LPP: variants seen among roughly 807,000 people sequenced by gnomAD.
The protein encoded by LPP is LIM domain containing preferred translocation partner in lipoma, also known as lipoma-preferred partner.
A neutral mutation model predicts 60.4 loss-of-function variants in LPP; 38 were observed. The observed-to-expected ratio is 0.63, with a 90% CI of 0.49 to 0.83. The LOEUF is 0.83. Ranked by LOEUF, LPP falls within the 40% of genes least tolerant of loss-of-function variation. The pLI, the probability that LPP is intolerant of heterozygous loss-of-function variation, is 0.00. For synonymous variants in LPP, 328 were observed against 290.8 expected, an observed-to-expected ratio of 1.13 and a Z score of -1.30; for missense variants, 902 against 783.6, an observed-to-expected ratio of 1.15 and a Z score of -1.80.
At chr3:188,582,310 A>G (rs1836429562) in intron 6 of LPP, among the ~76,000 whole-genome samples, 1 of 150,944 alleles carries the variant, frequency 6.6e-6, no homozygotes, top group Admixed American at 6.6e-5. Flanking sequence ...ACAGGTGTGC[A>G]CCATGCCTGG....
chr3:188,212,176 G>C (rs1298602518), intron 1 of LPP, among the ~76,000 whole-genome samples: 2 of 152,062 alleles, frequency 1.3e-5, no homozygotes, highest in African/African-American at 4.8e-5. Flanking sequence ...GTTGTTTTGA[G>C]ACTCACCTGC....
chr3:188,663,280 T>C (rs1282199125), intron 7 of LPP, among the ~76,000 whole-genome samples: 1 of 152,172 alleles, frequency 6.6e-6, no homozygotes, highest in Non-Finnish European at 1.5e-5. Context: ...ATTTACAGCT[T>C]TGTATTTCCC....
chr3:188,504,851 T>C (rs1426269347), intron 5 of LPP, among the ~76,000 whole-genome samples: 1 of 150,446 alleles, frequency 6.6e-6, no homozygotes, highest in African/African-American at 2.5e-5. Flanking sequence ...TCAGCTGGAG[T>C]GAGAGGGGCA....
intron 7 of LPP, among the ~76,000 whole-genome samples, chr3:188,627,139 G>A (rs1560666205): frequency 6.6e-6 from 1 of 152,078 alleles, no homozygotes; most frequent in African/African-American, 2.4e-5. Flanking sequence ...CTTACAACAG[G>A]TCCTTAAGGG....
chr3:188,538,254 A>G (rs1824171559), intron 6 of LPP, among the ~76,000 whole-genome samples: 1 of 152,228 alleles, frequency 6.6e-6, no homozygotes, highest in Admixed American at 6.5e-5. Context: ...AAATGACACC[A>G]TCAAGAAAGT....
chr3:188,853,836 T>C (rs570309674), intron 9 of LPP, among the ~76,000 whole-genome samples: 7 of 152,296 alleles, frequency 4.6e-5, no homozygotes, highest in African/African-American at 1.2e-4. Context: ...TTTCTTTTTT[T>C]TTTTTCCTTT....
At chr3:188,654,645 T>C (rs1023100326) in intron 7 of LPP, among the ~76,000 whole-genome samples, 2 of 152,202 alleles carry the variant, frequency 1.3e-5, no homozygotes, top group African/African-American at 4.8e-5. Context: ...AACTGCATGC[T>C]TAAGCACTGC....
intron 4 of LPP, among the ~76,000 whole-genome samples, chr3:188,467,775 T>C (rs1349689439): frequency 1.3e-5 from 2 of 152,086 alleles, no homozygotes; most frequent in Non-Finnish European, 2.9e-5. Context: ...GAATGAGGAG[T>C]AGCTTTGAGA....
At chr3:188,647,650 T>G (rs1168127201) in intron 7 of LPP, among the ~76,000 whole-genome samples, 1 of 152,090 alleles carries the variant, frequency 6.6e-6, no homozygotes, top group East Asian at 1.9e-4. Flanking sequence ...TATGGGGACC[T>G]CAGAACAAGC....
intron 3 of LPP, among the ~76,000 whole-genome samples, chr3:188,365,517 T>C (rs772677339): frequency 1.3e-5 from 2 of 152,172 alleles, no homozygotes; most frequent in Non-Finnish European, 2.9e-5. Flanking sequence ...TGTAGAATCA[T>C]GAGACTGGAG....
At chr3:188,248,468 TTATATATATATATATATATA>T (rs55811112) in intron 2 of LPP, among the ~76,000 whole-genome samples, 31 of 84,154 alleles carry the variant, frequency 3.7e-4, no homozygotes, top group African/African-American at 1.5e-3. Context: ...CAGTATAACT[TTATATATATATATATATATA>T]TATATATATA....
chr3:188,636,820 T>A (rs540901231), intron 7 of LPP, among the ~76,000 whole-genome samples: 95 of 151,258 alleles, frequency 6.3e-4, no homozygotes, highest in South Asian at 5.3e-3. Flanking sequence ...CACGGCAGGG[T>A]ATTCCAACAG....
intron 1 of LPP, among the ~76,000 whole-genome samples, chr3:188,223,595 C>T (rs1006424897): frequency 6.6e-6 from 1 of 152,098 alleles, no homozygotes; most frequent in Non-Finnish European, 1.5e-5. Flanking sequence ...TCATTTGTGC[C>T]TGGAGGGAAG....
chr3:188,525,147 AG>A (rs1820232400), intron 6 of LPP, among the ~76,000 whole-genome samples: 1 of 151,736 alleles, frequency 6.6e-6, no homozygotes. Context: ...TTGTATTTTT[AG>A]TAGAGACCGG....
chr3:188,263,370 C>T (rs1320417852), intron 2 of LPP, among the ~76,000 whole-genome samples: 1 of 152,176 alleles, frequency 6.6e-6, no homozygotes, highest in East Asian at 1.9e-4. Context: ...ATTCATCTTC[C>T]CTAAATCCAA....
At chr3:188,565,728 A>G (rs1831974143) in intron 6 of LPP, among the ~76,000 whole-genome samples, 1 of 152,028 alleles carries the variant, frequency 6.6e-6, no homozygotes, top group South Asian at 2.1e-4. Flanking sequence ...ACCAAATAGA[A>G]TGAAGACATA....
intron 2 of LPP, among the ~76,000 whole-genome samples, chr3:188,268,830 G>C (rs908469920): frequency 1.3e-5 from 2 of 152,120 alleles, no homozygotes; most frequent in African/African-American, 4.8e-5. Context: ...CCTATTAACC[G>C]CTTACATATA....
intron 4 of LPP, among the ~76,000 whole-genome samples, chr3:188,440,949 A>G (rs148854979): frequency 1.4e-5 from 2 of 146,840 alleles, no homozygotes; most frequent in African/African-American, 2.5e-5. Flanking sequence ...CTCCCTTAAT[A>G]TGTGTGTGTG....
intron 4 of LPP, among the ~76,000 whole-genome samples, chr3:188,407,196 A>T (rs1783708842): frequency 7.7e-6 from 1 of 130,060 alleles, no homozygotes; most frequent in African/African-American, 2.5e-5. Context: ...AAAAATTATT[A>T]ATATCTTACC....
Sources: gnomAD v4.1 joint callset for allele counts (sites outside exome capture counted in the v4.1 genomes callset) on GRCh38, gnomAD v4.1.1 for gene constraint, MANE v1.5 for transcripts, NCBI Gene and HGNC (gene_info 2026-07-23, HGNC 2026-07-21) for gene names.